Variants in ZFP2 observed in about 807,000 individuals in gnomAD.
ZFP2 encodes the protein zinc finger protein ZFP2.
A neutral mutation model predicts 36.1 loss-of-function variants in ZFP2; 33 were observed. That is an observed-to-expected ratio of 0.92 (90% CI 0.69 to 1.22). The LOEUF is 1.22. Among genes scored for constraint, ZFP2 ranks in the 50% most tolerant of loss-of-function variants. The pLI is 0.00. For synonymous variants in ZFP2, 170 were observed against 178.0 expected (o/e 0.96, Z 0.36); for missense variants, 522 against 551.4 (o/e 0.95, Z 0.53).
rs147053129 is a variant in ZFP2 at position 178,899,299 on chromosome 5, G to A, written c.-450+3325G>A. ...CTGCCATATAGGTGACATGAAGAAC[G>A]TCACCTGGCTGATTTCATTTAATAG... On this transcript the variant is annotated intron_variant, in intron 1 of 4. Transcript: ENST00000361362. Among the ~76,000 whole-genome samples, 556 of 152,300 alleles carry A rather than the reference G, an allele frequency of 3.7e-3. 3 individuals carry two copies. Among genetic ancestry groups the A allele is most frequent in the Middle Eastern group, 0.01 (3 of 294 alleles).
chr5:178,896,674 C>T (rs932059957), intron 1 of ZFP2, among the ~76,000 whole-genome samples: 1 of 152,168 alleles, frequency 6.6e-6, no homozygotes, highest in African/African-American at 2.4e-5. Flanking sequence ...AACAATCATT[C>T]AAAATCTATC....
At chr5:178,904,518 T>G (rs1037801001) in intron 1 of ZFP2, among the ~76,000 whole-genome samples, 2 of 151,634 alleles carry the variant, frequency 1.3e-5, no homozygotes, top group African/African-American at 4.8e-5. Flanking sequence ...ATATGCCAAA[T>G]TGTCACATAT....
At chr5:178,923,673 GGCCCCATTGTC>G (rs1489898782) in intron 4 of ZFP2, among the ~76,000 whole-genome samples, 1 of 149,034 alleles carries the variant, frequency 6.7e-6, no homozygotes, top group East Asian at 1.9e-4. Flanking sequence ...TTGCAGGCAT[GGCCCCATTGTC>G]TTTCGGCATC....
rs367671192 is a variant in ZFP2 at position 178,932,038 on chromosome 5, A to T, written c.725A>T (p.Tyr242Phe). 1 of 1,614,090 alleles carries T rather than the reference A, an allele frequency of 6.2e-7. No homozygotes were observed. Among genetic ancestry groups the T allele is most frequent in the African/African-American group, 1.3e-5 (1 of 75,044 alleles). Reference sequence around the variant, plus strand: ...AGAACTCATACAGGAGAAAAACCCTATGAATGTAATGAATGTGGAAAAGCC... The same window carrying T: ...AGAACTCATACAGGAGAAAAACCCTTTGAATGTAATGAATGTGGAAAAGCC... Reference protein sequence around the residue: ...HQRTHTGEKPYECNECGKAFS... With the variant: ...HQRTHTGEKPFECNECGKAFS... Residue 242 changes from tyrosine to phenylalanine, a missense_variant, in exon 5 of 5, where the codon TAT becomes TTT. By Grantham distance (22) the Tyr-to-Phe change is conservative. Coordinates refer to ENST00000361362, the MANE Select transcript of ZFP2 (RefSeq NM_030613.4).
chr5:178,931,307 G>C lies in ZFP2; in HGVS notation c.-7G>C. The C allele has an allele frequency of 6.3e-7, 1 of 1,581,418 alleles. No individual in the cohort carries two copies. Among genetic ancestry groups the C allele is most frequent in the Non-Finnish European group, 8.6e-7 (1 of 1,165,552 alleles). On this transcript the variant is annotated 5_prime_UTR_variant, in exon 5 of 5. Coordinates refer to ENST00000361362, the MANE Select transcript of ZFP2 (RefSeq NM_030613.4). ...GTATTACTGAAGATTTATGCCATGG[G>C]GTAACAATGGAAAGGGAAGGTATCT...
chr5:178,927,069 G>C (rs1758689805), intron 4 of ZFP2, among the ~76,000 whole-genome samples: 1 of 152,166 alleles, frequency 6.6e-6, no homozygotes. Flanking sequence ...TCGGAAAGCT[G>C]ATTCTCAGGT....
intron 3 of ZFP2, chr5:178,914,149 CCT>C (rs1168519800): frequency 2.0e-5 from 3 of 152,152 alleles, no homozygotes; most frequent in Non-Finnish European, 4.4e-5. Context: ...AGCCACCGTG[CCT>C]GGCCCTAATC....
Position 178,922,474 on chromosome 5 carries a change from A to G in ZFP2, c.-78+5764A>G, listed in dbSNP as rs895123915. 9.7e-5 allele frequency: 133 copies of G among 1,377,406 alleles called. No homozygotes were observed. In the South Asian group the frequency reaches 1.5e-3, roughly 15 times the overall value. 85.3% of individuals were successfully genotyped at this position (1,377,406 alleles called of 1,614,324 possible). A position where few individuals can be genotyped will look rare whatever the true frequency, so the allele number is the denominator to read the frequency against. On this transcript the variant is annotated intron_variant, in intron 4 of 4. Coordinates refer to ENST00000361362, the MANE Select transcript of ZFP2 (RefSeq NM_030613.4). ...GTTTGTTAGGACCAAACCTCAAAGC[A>G]TGGCTAAGAGTTTTCAGTAGAAATG...
chr5:178,920,515 T>G (rs1758537467), intron 4 of ZFP2, among the ~76,000 whole-genome samples: 1 of 152,000 alleles, frequency 6.6e-6, no homozygotes, highest in Non-Finnish European at 1.5e-5. Context: ...CGTGTACCTG[T>G]AGTCCCAGCT....
intron 4 of ZFP2, among the ~76,000 whole-genome samples, chr5:178,928,020 G>A (rs1422581131): frequency 6.6e-6 from 1 of 151,656 alleles, no homozygotes; most frequent in Non-Finnish European, 1.5e-5. Flanking sequence ...GCAGGGGGAG[G>A]TGCTACACAC....
intron 1 of ZFP2, among the ~76,000 whole-genome samples, chr5:178,901,901 C>T (rs1370757323): frequency 1.3e-5 from 2 of 151,964 alleles, no homozygotes; most frequent in Admixed American, 1.3e-4. Context: ...TGGGAGGCCA[C>T]GGCAGGTGGA....
At chr5:178,905,344 T>C (rs1758148148) in intron 1 of ZFP2, among the ~76,000 whole-genome samples, 1 of 152,232 alleles carries the variant, frequency 6.6e-6, no homozygotes, top group Admixed American at 6.5e-5. Context: ...CTGTTGCTGT[T>C]GTAATTGGAG....
chr5:178,931,538 CTG>C lies in ZFP2; in HGVS notation c.227_228del (p.Cys76Ter). Reference protein sequence around the residue: ...SIPMVKRPHNCNSHGEDATQN... With the variant: ...SIPMVKRPHNXNSHGEDATQN... ...TTCCTATGGTAAAAAGGCCCCATAA[CTG>C]TAATTCACATGGAGAAGATGCCACA... On this transcript the variant is annotated frameshift_variant, in exon 5 of 5. Coordinates refer to ENST00000361362, the MANE Select transcript of ZFP2 (RefSeq NM_030613.4). LOFTEE classifies it high-confidence loss of function. 6.2e-7 allele frequency: 1 copy of C among 1,614,132 alleles called. No individual in the cohort carries two copies. The highest frequency in any genetic ancestry group is 1.1e-5 in the South Asian group (1 of 91,076).
intron 4 of ZFP2, among the ~76,000 whole-genome samples, chr5:178,926,330 A>T (rs1230049139): frequency 6.6e-6 from 1 of 152,088 alleles, no homozygotes; most frequent in Non-Finnish European, 1.5e-5. Context: ...TGTATAATTT[A>T]TCTTTGGATA....
At chr5:178,909,070 C>T in intron 1 of ZFP2, among the ~76,000 whole-genome samples, 1 of 149,370 alleles carries the variant, frequency 6.7e-6, no homozygotes, top group Admixed American at 6.7e-5. Flanking sequence ...GCGTAAAACC[C>T]CTCGTGGCCT....
intron 1 of ZFP2, among the ~76,000 whole-genome samples, chr5:178,905,454 C>T (rs1467805173): frequency 6.6e-6 from 1 of 152,206 alleles, no homozygotes; most frequent in East Asian, 1.9e-4. Context: ...TCATCACTAT[C>T]ATATTTTACT....
At chr5:178,916,147 AG>A (rs11325471) in intron 3 of ZFP2, among the ~76,000 whole-genome samples, 87,907 of 151,714 alleles carry the variant, frequency 0.58, 25,959 homozygotes, top group Admixed American at 0.68. Context: ...AGGGCCCAGC[AG>A]GAGAACATGG....
At chr5:178,921,643 C>T (rs1205118901) in intron 4 of ZFP2, among the ~76,000 whole-genome samples, 1 of 149,528 alleles carries the variant, frequency 6.7e-6, no homozygotes, top group Non-Finnish European at 1.5e-5. Flanking sequence ...ATGAACCGGC[C>T]CTAGAGCTTT....
intron 3 of ZFP2, among the ~76,000 whole-genome samples, chr5:178,914,317 A>G (rs951669655): frequency 2.0e-5 from 3 of 152,154 alleles, no homozygotes; most frequent in African/African-American, 4.8e-5. Flanking sequence ...GGTTTCCCAC[A>G]AGTTTTTTTA....
Sources: gnomAD v4.1 joint callset for allele counts (sites outside exome capture counted in the v4.1 genomes callset) on GRCh38, gnomAD v4.1.1 for gene constraint, MANE v1.5 for transcripts, NCBI Gene and HGNC (gene_info 2026-07-23, HGNC 2026-07-21) for gene names.